GRIA4: variants seen among roughly 807,000 people sequenced by gnomAD.
GRIA4 encodes the protein glutamate receptor 4.
In GRIA4, 34 loss-of-function variants were observed where a neutral mutation model predicts 104.0. The ratio of observed to expected loss-of-function variants is 0.33; its 90% confidence interval spans 0.25 to 0.44. The LOEUF is 0.44. GRIA4 is among the 20% of genes least tolerant of loss of function. The pLI, the probability that GRIA4 is intolerant of heterozygous loss-of-function variation, is 1.00. For synonymous variants in GRIA4, 386 were observed against 381.9 expected (o/e 1.01, Z -0.13); for missense variants, 750 against 1,096.5 (o/e 0.68, Z 4.46).
chr11:105,872,806 A>G (rs959781662), intron 5 of GRIA4, among the ~76,000 whole-genome samples: 2 of 152,152 alleles, frequency 1.3e-5, no homozygotes, highest in African/African-American at 4.8e-5. Context: ...ATACCATAAG[A>G]TGTAAATACC....
intron 5 of GRIA4, among the ~76,000 whole-genome samples, chr11:105,866,460 T>A (rs910921894): frequency 2.0e-5 from 3 of 150,560 alleles, no homozygotes; most frequent in African/African-American, 7.3e-5. Flanking sequence ...TGTGTGTGTG[T>A]GACACTGCAT....
At chr11:105,715,230 A>G (rs1954050193) in intron 3 of GRIA4, among the ~76,000 whole-genome samples, 1 of 152,204 alleles carries the variant, frequency 6.6e-6, no homozygotes. Context: ...CTGTAACCAT[A>G]CTATTACATC....
chr11:105,612,156 G>T, intron 2 of GRIA4, 120 bp from the exon 3 acceptor site: 3 of 820,504 alleles, frequency 3.7e-6, no homozygotes, highest in Non-Finnish European at 5.9e-6. Flanking sequence ...CCTAGATGTG[G>T]CAGGTATAGC....
At chr11:105,761,702 T>C (rs960446972) in intron 4 of GRIA4, among the ~76,000 whole-genome samples, 3 of 152,172 alleles carry the variant, frequency 2.0e-5, no homozygotes, top group Non-Finnish European at 4.4e-5. Context: ...TATTTATGTG[T>C]CAAAAAATGC....
chr11:105,808,409 A>G (rs1306581223), intron 4 of GRIA4, among the ~76,000 whole-genome samples: 1 of 152,110 alleles, frequency 6.6e-6, no homozygotes, highest in African/African-American at 2.4e-5. Flanking sequence ...AGAAAAGGCA[A>G]GTATAGATCA....
chr11:105,941,511 G>A (rs1052038568), intron 14 of GRIA4, among the ~76,000 whole-genome samples: 3 of 151,876 alleles, frequency 2.0e-5, no homozygotes, highest in East Asian at 1.9e-4. Flanking sequence ...ACACAAAGTC[G>A]TATTATATCC....
chr11:105,883,711 A>T (rs1946150893), intron 5 of GRIA4, among the ~76,000 whole-genome samples: 1 of 152,026 alleles, frequency 6.6e-6, no homozygotes, highest in African/African-American at 2.4e-5. Flanking sequence ...AGTCTTTGCT[A>T]TTGTGAATAG....
At chr11:105,704,102 A>G (rs955816263) in intron 3 of GRIA4, among the ~76,000 whole-genome samples, 35 of 152,192 alleles carry the variant, frequency 2.3e-4, no homozygotes, top group Admixed American at 3.9e-4. Context: ...TCTTCATTCA[A>G]TGAGGGCCTA....
At chr11:105,773,189 GA>G (rs1232809671) in intron 4 of GRIA4, among the ~76,000 whole-genome samples, 1 of 151,900 alleles carries the variant, frequency 6.6e-6, no homozygotes, top group East Asian at 1.9e-4. Flanking sequence ...TTTGTCTATT[GA>G]AATTTCACCT....
intron 3 of GRIA4, among the ~76,000 whole-genome samples, chr11:105,646,933 T>C (rs965244491): frequency 4.6e-5 from 7 of 152,086 alleles, no homozygotes; most frequent in African/African-American, 1.7e-4. Flanking sequence ...AAAGCAACTA[T>C]TGACAAAAGA....
intron 5 of GRIA4, among the ~76,000 whole-genome samples, chr11:105,875,392 C>G (rs1945780361): frequency 6.6e-6 from 1 of 152,128 alleles, no homozygotes; most frequent in Non-Finnish European, 1.5e-5. Flanking sequence ...TGTTGTGTCT[C>G]TGCCAGGTTT....
At chr11:105,744,684 C>T (rs1218250901) in intron 3 of GRIA4, among the ~76,000 whole-genome samples, 2 of 152,148 alleles carry the variant, frequency 1.3e-5, no homozygotes, top group African/African-American at 4.8e-5. Flanking sequence ...CTATAAAAAC[C>T]TTTAGCTTCT....
Position 105,911,774 on chromosome 11 carries a change from CAATATATATATATATATATATAT to C in GRIA4, c.1269+1231_1269+1253del, listed in dbSNP as rs1325393473. 2.9e-3 allele frequency: 150 copies of C among 50,922 alleles called. 34 individuals are homozygous for C. The highest frequency in any genetic ancestry group is 2.0e-3 in the Non-Finnish European group (57 of 28,164). The allele number at this position is 50,922 out of a possible 1,614,324, so 3.2% of individuals were successfully genotyped here. On this transcript the variant is annotated intron_variant, in intron 10 of 16. Coordinates refer to ENST00000282499, the MANE Select transcript of GRIA4 (RefSeq NM_000829.4). Reference sequence around the variant, plus strand: ...TAATATTTGCATGGGACTTGAAAAGCAATATATATATATATATATATATATATATATATATGTTTCTTTTCCTA... The same window carrying C: ...TAATATTTGCATGGGACTTGAAAAGCATATATATATATGTTTCTTTTCCTA...
At chr11:105,694,040 G>A (rs1221765375) in intron 3 of GRIA4, among the ~76,000 whole-genome samples, 2 of 152,052 alleles carry the variant, frequency 1.3e-5, no homozygotes, top group African/African-American at 4.8e-5. Context: ...TATTTTGCAC[G>A]AACCACCAGT....
At chr11:105,641,969 T>C (rs527610517) in intron 3 of GRIA4, among the ~76,000 whole-genome samples, 19 of 152,308 alleles carry the variant, frequency 1.2e-4, no homozygotes, top group Admixed American at 9.2e-4. Flanking sequence ...TGGTTTCTTC[T>C]GAGGCCTTTC....
intron 1 of GRIA4, 30 bp from the exon 2 acceptor site, chr11:105,610,878 T>G: frequency 2.1e-6 from 1 of 474,340 alleles, no homozygotes; most frequent in Non-Finnish European, 3.7e-6. Context: ...TTCTTTTTTT[T>G]TTTTTTTTTT....
chr11:105,628,837 A>G (rs1950956888), intron 3 of GRIA4, among the ~76,000 whole-genome samples: 2 of 152,318 alleles, frequency 1.3e-5, no homozygotes, highest in East Asian at 1.9e-4. Flanking sequence ...CACAGATTAG[A>G]AAACAAGTTT....
chr11:105,721,513 C>T (rs1937818476), intron 3 of GRIA4, among the ~76,000 whole-genome samples: 1 of 152,146 alleles, frequency 6.6e-6, no homozygotes, highest in East Asian at 1.9e-4. Context: ...CTCAAACAAA[C>T]ATACTAAAGG....
At chr11:105,836,678 T>C (rs1283289882) in intron 4 of GRIA4, among the ~76,000 whole-genome samples, 1 of 152,162 alleles carries the variant, frequency 6.6e-6, no homozygotes, top group Non-Finnish European at 1.5e-5. Flanking sequence ...ACAACCAAAG[T>C]TTCTGATTCA....
Sources: allele counts gnomAD v4.1 joint callset (sites outside exome capture counted in the v4.1 genomes callset), GRCh38; gene constraint gnomAD v4.1.1; transcripts MANE v1.5; gene names NCBI Gene and HGNC (gene_info 2026-07-23, HGNC 2026-07-21).